Variants in MAF observed in about 807,000 individuals in gnomAD.
MAF encodes the protein MAF bZIP transcription factor.
Under a neutral mutation model 22.0 loss-of-function variants are expected in MAF, and 10 were observed. The observed-to-expected ratio is 0.45, with a 90% CI of 0.28 to 0.77. MAF has a LOEUF of 0.77. Among genes scored for constraint, MAF ranks in the 30% least tolerant of loss-of-function variants. MAF has a pLI of 0.12. For missense variants in MAF, 544 were observed against 548.4 expected (o/e 0.99, Z 0.08); for synonymous variants, 337 against 255.8 (o/e 1.32, Z -3.03).
chr16:79,594,615 G>A, intron 1 of MAF, 62 bp from the exon 2 acceptor site: 2 of 1,542,022 alleles, frequency 1.3e-6, no homozygotes, highest in Non-Finnish European at 1.7e-6. Flanking sequence ...CAGCGTAAAG[G>A]GGAAAGCTAG....
At chr16:79,546,953 A>G in the MAF span, among the ~76,000 whole-genome samples, 1 of 152,196 alleles carries the variant, frequency 6.6e-6, no homozygotes, top group Admixed American at 6.5e-5. Context: ...AGGATATACT[A>G]TGTGACAATT....
At chr16:79,390,781 A>T in the MAF span, among the ~76,000 whole-genome samples, 2 of 152,190 alleles carry the variant, frequency 1.3e-5, no homozygotes, top group African/African-American at 4.8e-5. Context: ...GTTCTGTATG[A>T]TAATCTGATA....
chr16:79,296,452 G>T, the MAF span, among the ~76,000 whole-genome samples: 1 of 152,064 alleles, frequency 6.6e-6, no homozygotes, highest in Non-Finnish European at 1.5e-5. Flanking sequence ...GATAAGTGCA[G>T]CAAACTACCA....
the MAF span, among the ~76,000 whole-genome samples, chr16:79,236,424 G>C: frequency 6.6e-6 from 1 of 152,070 alleles, no homozygotes; most frequent in Non-Finnish European, 1.5e-5. Context: ...CTTGGGGAAA[G>C]TCAAGCATTC....
the MAF span, among the ~76,000 whole-genome samples, chr16:79,328,168 T>C: frequency 3.5e-4 from 53 of 152,322 alleles, no homozygotes; most frequent in African/African-American, 1.2e-3. Flanking sequence ...TGCCTAGTAA[T>C]ATATTGCCGC....
chr16:79,276,271 G>A, the MAF span, among the ~76,000 whole-genome samples: 9,359 of 152,230 alleles, frequency 0.061, 825 homozygotes, highest in East Asian at 0.42. Flanking sequence ...TATGTAGCAG[G>A]CCCCTGACCC....
At chr16:79,521,056 T>C in the MAF span, among the ~76,000 whole-genome samples, 61 of 152,340 alleles carry the variant, frequency 4.0e-4, no homozygotes, top group African/African-American at 1.5e-3. Flanking sequence ...CTAACCACTG[T>C]ATCATACATT....
chr16:79,491,797 C>A, the MAF span, among the ~76,000 whole-genome samples: 1 of 152,178 alleles, frequency 6.6e-6, no homozygotes, highest in East Asian at 1.9e-4. Flanking sequence ...ACTGGCTAGA[C>A]AGATAGGAAG....
chr16:79,363,703 A>C, the MAF span, among the ~76,000 whole-genome samples: 1 of 152,210 alleles, frequency 6.6e-6, no homozygotes, highest in South Asian at 2.1e-4. Flanking sequence ...GCATAAAGGA[A>C]GAAATGGTTA....
At chr16:79,202,778 A>G in the MAF span, 1 of 152,214 alleles carries the variant, frequency 6.6e-6, no homozygotes, top group African/African-American at 2.4e-5. Context: ...GTATTTACAT[A>G]TATTTACATA....
the MAF span, among the ~76,000 whole-genome samples, chr16:79,487,640 A>G: frequency 2.6e-5 from 4 of 152,028 alleles, no homozygotes; most frequent in African/African-American, 9.7e-5. Flanking sequence ...CCCTTCGGGG[A>G]AAAAATCCTA....
chr16:79,429,093 T>C, the MAF span, among the ~76,000 whole-genome samples: 2 of 152,148 alleles, frequency 1.3e-5, no homozygotes, highest in Non-Finnish European at 2.9e-5. Flanking sequence ...TGGAGGTAAT[T>C]ACGTTGGGAG....
the MAF span, among the ~76,000 whole-genome samples, chr16:79,207,823 A>T: frequency 3.9e-5 from 6 of 152,032 alleles, no homozygotes; most frequent in Admixed American, 2.6e-4. Flanking sequence ...TTTATCAGAA[A>T]CCTCTGTACC....
At chr16:79,562,715 A>T in the MAF span, among the ~76,000 whole-genome samples, 1 of 151,924 alleles carries the variant, frequency 6.6e-6, no homozygotes, top group Non-Finnish European at 1.5e-5. Flanking sequence ...AAGGCCACCC[A>T]CTCACCACAA....
chr16:79,284,757 TG>T, the MAF span, among the ~76,000 whole-genome samples: 1 of 152,194 alleles, frequency 6.6e-6, no homozygotes, highest in Non-Finnish European at 1.5e-5. Flanking sequence ...CACTTTGCTT[TG>T]GGGGAAATCT....
chr16:79,461,542 T>G, the MAF span, among the ~76,000 whole-genome samples: 1 of 152,138 alleles, frequency 6.6e-6, no homozygotes, highest in Admixed American at 6.5e-5. Flanking sequence ...TCATCTCCCC[T>G]CTCTTCTGCT....
At chr16:79,336,861 T>G in the MAF span, among the ~76,000 whole-genome samples, 2 of 152,354 alleles carry the variant, frequency 1.3e-5, no homozygotes, top group East Asian at 3.9e-4. Flanking sequence ...GACATAATCC[T>G]GGTTTGGATT....
the MAF span, among the ~76,000 whole-genome samples, chr16:79,412,319 G>C: frequency 6.6e-6 from 1 of 152,190 alleles, no homozygotes. Flanking sequence ...GGTATGTGCA[G>C]GTGGCAGATA....
chr16:79,290,743 T>C, the MAF span, among the ~76,000 whole-genome samples: 1 of 152,116 alleles, frequency 6.6e-6, no homozygotes, highest in African/African-American at 2.4e-5. Context: ...TTTTTTCCTT[T>C]GGAATCTAGA....
Sources: gnomAD v4.1 joint callset for allele counts (sites outside exome capture counted in the v4.1 genomes callset) on GRCh38, gnomAD v4.1.1 for gene constraint, MANE v1.5 for transcripts, NCBI Gene and HGNC (gene_info 2026-07-23, HGNC 2026-07-21) for gene names.